The following RMDN2 variants were observed in gnomAD, a reference collection of about 807,000 sequenced individuals.
RMDN2 encodes the protein regulator of microtubule dynamics protein 2.
In RMDN2, 61 loss-of-function variants were observed where a neutral mutation model predicts 52.8. The observed-to-expected ratio is 1.16, with a 90% confidence interval of 0.94 to 1.43. RMDN2 has a LOEUF of 1.43. Among genes scored for constraint, RMDN2 ranks in the 40% most tolerant of loss-of-function variants. The probability of loss-of-function intolerance (pLI) is 0.00; values close to 1 mark genes in which losing one functional copy is unlikely to be tolerated. For missense variants in RMDN2, 592 were observed against 475.3 expected (o/e 1.25, Z -2.28); for synonymous variants, 180 against 153.1 (o/e 1.18, Z -1.30).
At position 38,017,246 on chromosome 2, in the gene RMDN2, G is replaced by A. The variant is rs1484762459; in HGVS notation, c.*7G>A. On this transcript the variant is annotated 3_prime_UTR_variant, in exon 11 of 11. Transcript: ENST00000354545. ...GACTTCCTTGAAGAGGTAAATAAACGAATTTACTCTTCAACAAATCAGATG... is the reference window on the plus strand; with the variant it reads ...GACTTCCTTGAAGAGGTAAATAAACAAATTTACTCTTCAACAAATCAGATG... 1.3e-5 allele frequency: 20 copies of A among 1,525,944 alleles called. No homozygotes were observed. Among genetic ancestry groups the A allele is most frequent in the East Asian group, 2.5e-5 (1 of 40,178 alleles). The allele number at this position is 1,525,944 out of a possible 1,614,324, so 94.5% of individuals were successfully genotyped here.
At chr2:38,042,413 A>ACC (rs1681014726) in intron 10 of RMDN2, among the ~76,000 whole-genome samples, 1 of 53,292 alleles carries the variant, frequency 1.9e-5, no homozygotes, top group African/African-American at 5.2e-5. Context: ...CCACACACAC[A>ACC]CACACACACA....
intron 2 of RMDN2, among the ~76,000 whole-genome samples, chr2:37,957,129 A>AT (rs1190792878): frequency 1.3e-5 from 2 of 152,064 alleles, no homozygotes; most frequent in Non-Finnish European, 2.9e-5. Context: ...GGTGTATGTT[A>AT]TTTTTATAGT....
intron 10 of RMDN2, among the ~76,000 whole-genome samples, chr2:38,004,695 CTT>C (rs562275983): frequency 6.8e-6 from 1 of 146,510 alleles, no homozygotes; most frequent in South Asian, 2.2e-4. Flanking sequence ...AGTTTTCTTT[CTT>C]TTTTTTTTTA....
intron 1 of RMDN2, among the ~76,000 whole-genome samples, chr2:37,926,945 A>G (rs1461438965): frequency 2.0e-5 from 3 of 151,944 alleles, no homozygotes; most frequent in Non-Finnish European, 4.4e-5. Context: ...AAAAAAAGCT[A>G]TGTAAATGAC....
At chr2:38,007,021 A>G (rs886716713) in intron 10 of RMDN2, among the ~76,000 whole-genome samples, 5 of 152,170 alleles carry the variant, frequency 3.3e-5, no homozygotes, top group Non-Finnish European at 4.4e-5. Context: ...TGATCTACGT[A>G]TGTTGAACCA....
At chr2:37,987,674 A>G (rs1410414743) in intron 5 of RMDN2, among the ~76,000 whole-genome samples, 1 of 152,220 alleles carries the variant, frequency 6.6e-6, no homozygotes, top group Non-Finnish European at 1.5e-5. Context: ...TACAAACCAT[A>G]TTGTAAACTA....
chr2:38,061,920 C>T (rs1397053776), intron 10 of RMDN2, among the ~76,000 whole-genome samples: 1 of 152,196 alleles, frequency 6.6e-6, no homozygotes, highest in Non-Finnish European at 1.5e-5. Flanking sequence ...AATCTGGCAC[C>T]ACTTTACCTC....
At chr2:37,986,702 C>G (rs1343242286) in intron 5 of RMDN2, among the ~76,000 whole-genome samples, 1 of 151,976 alleles carries the variant, frequency 6.6e-6, no homozygotes, top group Non-Finnish European at 1.5e-5. Flanking sequence ...TTAACAGACA[C>G]AGAAAAAGCA....
chr2:37,994,809 A>G (rs1365399014), intron 7 of RMDN2, among the ~76,000 whole-genome samples: 2 of 152,244 alleles, frequency 1.3e-5, no homozygotes, highest in African/African-American at 4.8e-5. Context: ...ATAAAAATAT[A>G]TGCTCACACA....
chr2:38,000,414 A>G (rs1573017009), intron 8 of RMDN2, among the ~76,000 whole-genome samples: 1 of 152,164 alleles, frequency 6.6e-6, no homozygotes, highest in African/African-American at 2.4e-5. Context: ...AAACTTATAT[A>G]CCTATGTAAC....
At chr2:37,982,051 A>G (rs1049862298) in intron 5 of RMDN2, among the ~76,000 whole-genome samples, 1 of 152,124 alleles carries the variant, frequency 6.6e-6, no homozygotes, top group Non-Finnish European at 1.5e-5. Flanking sequence ...AGATACAATA[A>G]TAAATGTATG....
chr2:37,968,279 A>G (rs1433263587), intron 2 of RMDN2, among the ~76,000 whole-genome samples: 1 of 151,768 alleles, frequency 6.6e-6, no homozygotes, highest in Non-Finnish European at 1.5e-5. Context: ...GGTCTCTACT[A>G]AAAATACAAC....
chr2:38,057,510 G>T (rs998867515), intron 10 of RMDN2, among the ~76,000 whole-genome samples: 4 of 152,194 alleles, frequency 2.6e-5, no homozygotes, highest in Admixed American at 6.5e-5. Flanking sequence ...GCCATAGTTT[G>T]CTGACCTCTG....
At chr2:37,975,176 GTTAAT>G (rs1385593154) in intron 3 of RMDN2, 31 bp from the exon 4 acceptor site, 14 of 1,246,858 alleles carry the variant, frequency 1.1e-5, no homozygotes, top group Admixed American at 1.7e-5. Context: ...AAGTTACCAA[GTTAAT>G]TTAACAGGCA....
At chr2:38,009,685 C>T (rs981706123) in intron 10 of RMDN2, among the ~76,000 whole-genome samples, 4 of 152,006 alleles carry the variant, frequency 2.6e-5, no homozygotes, top group African/African-American at 9.7e-5. Flanking sequence ...GTAGTTTGAT[C>T]GTCTGAAGCC....
downstream of RMDN2, among the ~76,000 whole-genome samples, chr2:38,020,160 C>T (rs1016423795): frequency 6.6e-6 from 1 of 152,048 alleles, no homozygotes; most frequent in Admixed American, 6.5e-5. Flanking sequence ...GATTCAAGTG[C>T]ATTACATTTA....
upstream of RMDN2, among the ~76,000 whole-genome samples, chr2:37,923,915 A>C (rs1666105613): frequency 6.6e-6 from 1 of 152,064 alleles, no homozygotes; most frequent in Non-Finnish European, 1.5e-5. Flanking sequence ...ACACTCGGCT[A>C]ATTTTTGTAT....
At chr2:37,926,492 T>G (rs1289472215) in intron 1 of RMDN2, among the ~76,000 whole-genome samples, 1 of 152,246 alleles carries the variant, frequency 6.6e-6, no homozygotes, top group Non-Finnish European at 1.5e-5. Flanking sequence ...TCATTTTCCA[T>G]TGTTATTTAC....
intron 7 of RMDN2, among the ~76,000 whole-genome samples, chr2:37,994,814 C>T (rs1191744752): frequency 2.6e-5 from 4 of 152,154 alleles, no homozygotes; most frequent in African/African-American, 9.7e-5. Flanking sequence ...AATATATGCT[C>T]ACACAAAGAC....
Sources: gnomAD v4.1 joint callset for allele counts (sites outside exome capture counted in the v4.1 genomes callset) on GRCh38, gnomAD v4.1.1 for gene constraint, MANE v1.5 for transcripts, NCBI Gene and HGNC (gene_info 2026-07-23, HGNC 2026-07-21) for gene names.